Variants in PPP1R36 observed in about 807,000 individuals in gnomAD.
PPP1R36 encodes protein phosphatase 1 regulatory subunit 36, also known as chromosome 14 open reading frame 50.
Under a neutral mutation model 53.4 loss-of-function variants are expected in PPP1R36, and 47 were observed. That is an observed-to-expected ratio of 0.88 (90% CI 0.70 to 1.12). PPP1R36 has a LOEUF of 1.12. Among genes scored for constraint, PPP1R36 ranks in the 50% most tolerant of loss-of-function variants. PPP1R36 has a pLI of 0.00. For missense variants in PPP1R36, 456 were observed against 513.9 expected (o/e 0.89, Z 1.09); for synonymous variants, 153 against 170.5 (o/e 0.90, Z 0.80).
chr14:64,570,221 T>C (rs943715822), intron 7 of PPP1R36, among the ~76,000 whole-genome samples: 7 of 152,096 alleles, frequency 4.6e-5, no homozygotes, highest in African/African-American at 1.7e-4. Context: ...CGGTGGCTCA[T>C]GCCTGTAATC....
chr14:64,587,381 T>G lies in PPP1R36; in HGVS notation c.890+9T>G. On this transcript the variant is annotated intron_variant, in intron 10 of 11. Coordinates refer to ENST00000298705, the MANE Select transcript of PPP1R36 (RefSeq NM_172365.3). Reference sequence around the variant, plus strand: ...ACTTTTGTTCAGTTCAGGTATGACCTTTTGACTTTCCTATGCTCAGGGGTA... The same window carrying G: ...ACTTTTGTTCAGTTCAGGTATGACCGTTTGACTTTCCTATGCTCAGGGGTA... 1.9e-6 allele frequency: 3 copies of G among 1,559,906 alleles called. 1 individual carries two copies. In the Middle Eastern group the frequency reaches 5.1e-4, roughly 265 times the overall value.
In PPP1R36 at chr14:64,574,552, T is replaced by G. The variant is rs763048673; in HGVS notation, c.631T>G (p.Leu211Val). The G allele has an allele frequency of 1.9e-5, 30 of 1,613,888 alleles. No homozygotes were observed. Among genetic ancestry groups the G allele is most frequent in the Non-Finnish European group, 2.4e-5 (28 of 1,179,954 alleles). Reference protein sequence around the residue: ...AQKYCILVLGLAVPDKHHMCC... With the variant: ...AQKYCILVLGVAVPDKHHMCC... ...GAAGTACTGTATCCTTGTGCTGGGC[T>G]TGGCCGTGCCGGATAAGCATCACAT... The change falls in exon 8 of 12, where the codon TTG becomes GTG. Residue 211 changes from leucine (L) to valine (V), a missense_variant. Coordinates refer to ENST00000298705, the MANE Select transcript of PPP1R36 (RefSeq NM_172365.3).
chr14:64,565,560 G>T, intron 5 of PPP1R36, 66 bp from the exon 6 acceptor site: 2 of 1,462,866 alleles, frequency 1.4e-6, no homozygotes. Context: ...ATACATAAAC[G>T]TATCTTGTGT....
At chr14:64,569,361 T>A (rs1283550747) in intron 7 of PPP1R36, among the ~76,000 whole-genome samples, 3 of 152,162 alleles carry the variant, frequency 2.0e-5, no homozygotes, top group Non-Finnish European at 2.9e-5. Flanking sequence ...GTTTTCAAAA[T>A]GCAAAACCCT....
At chr14:64,580,214 C>T (rs912612049) in intron 8 of PPP1R36, among the ~76,000 whole-genome samples, 4 of 152,080 alleles carry the variant, frequency 2.6e-5, no homozygotes, top group African/African-American at 9.7e-5. Context: ...GGTGGGAGAA[C>T]TGCTTGAGCC....
Position 64,574,520 on chromosome 14 carries a change from T to G in PPP1R36, c.599T>G (p.Leu200Trp). The G allele has an allele frequency of 6.2e-7, 1 of 1,614,048 alleles. No homozygotes were observed. Among genetic ancestry groups the G allele is most frequent in the Non-Finnish European group, 8.5e-7 (1 of 1,179,930 alleles). Residue 200 changes from leucine to tryptophan, a missense_variant, in exon 8 of 12, where the codon TTG becomes TGG. By Grantham distance (61) the Leu-to-Trp change is moderately conservative (BLOSUM62 -2). Coordinates refer to ENST00000298705, the MANE Select transcript of PPP1R36 (RefSeq NM_172365.3). The part of the protein sequence containing the change: ...LSELEAAQRY[L>W]AQKYCILVLG... Reference sequence around the variant, plus strand: ...GAATTAGAAGCAGCACAGAGGTACTTGGCGCAGAAGTACTGTATCCTTGTG... The same window carrying G: ...GAATTAGAAGCAGCACAGAGGTACTGGGCGCAGAAGTACTGTATCCTTGTG...
intron 7 of PPP1R36, 147 bp from the exon 8 acceptor site, chr14:64,574,308 T>C (rs2080325971): frequency 1.4e-6 from 1 of 721,004 alleles, no homozygotes. Flanking sequence ...TGAGCTGTGA[T>C]CGCACCACTG....
chr14:64,578,630 A>G (rs1172835381), intron 8 of PPP1R36, among the ~76,000 whole-genome samples: 1 of 152,256 alleles, frequency 6.6e-6, no homozygotes, highest in Non-Finnish European at 1.5e-5. Flanking sequence ...TAGGTTGCAG[A>G]GAAAAGGGAA....
intron 3 of PPP1R36, among the ~76,000 whole-genome samples, chr14:64,559,734 A>G (rs1189425485): frequency 2.6e-5 from 4 of 152,218 alleles, no homozygotes; most frequent in Non-Finnish European, 4.4e-5. Flanking sequence ...GATCTTGCAT[A>G]CTGTGGTGAG....
chr14:64,558,737 G>C (rs188758760), intron 3 of PPP1R36, among the ~76,000 whole-genome samples: 1 of 151,864 alleles, frequency 6.6e-6, no homozygotes, highest in African/African-American at 2.4e-5. Context: ...CTGGGTTCAA[G>C]GGGTTCTCTT....
At chr14:64,586,769 A>G (rs2080436723) in intron 8 of PPP1R36, 68 bp from the exon 9 acceptor site, 1 of 1,065,144 alleles carries the variant, frequency 9.4e-7, no homozygotes, top group East Asian at 2.4e-5. Context: ...TTAGAGAAAG[A>G]TAAGGACTAG....
chr14:64,588,382 T>C, intron 11 of PPP1R36, 87 bp downstream of exon 11: 1 of 1,198,990 alleles, frequency 8.3e-7, no homozygotes, highest in Non-Finnish European at 1.2e-6. Flanking sequence ...GCACCATGCC[T>C]CTGCCAGGGA....
At chr14:64,570,752 A>G (rs1057448381) in intron 7 of PPP1R36, among the ~76,000 whole-genome samples, 2 of 152,210 alleles carry the variant, frequency 1.3e-5, no homozygotes, top group East Asian at 1.9e-4. Flanking sequence ...AGGAAAGCCT[A>G]CAGCCGTGAG....
Position 64,580,136 on chromosome 14 carries a change from G to GA in PPP1R36, c.668+5554dup, listed in dbSNP as rs367991259. 5.2e-3 allele frequency among the ~76,000 whole-genome samples: 784 copies of GA among 152,060 alleles called. 4 individuals are homozygous for GA. The highest frequency in any genetic ancestry group is 0.017 in the African/African-American group (720 of 41,500). ...GCAACACAGTGAGAGCCTCTCTCCA[G>GA]AAAAAAATTAAAGAATTAGCTGGGC... On this transcript the variant is annotated intron_variant, in intron 8 of 11. Coordinates refer to ENST00000298705, the MANE Select transcript of PPP1R36 (RefSeq NM_172365.3).
At chr14:64,550,203 C>T (rs368531469) in intron 1 of PPP1R36, 137 bp downstream of exon 1, 64 of 1,420,298 alleles carry the variant, frequency 4.5e-5, no homozygotes, top group Non-Finnish European at 5.7e-5. Flanking sequence ...TTCTCAAAGA[C>T]ACCTGGCCAT....
rs1340772350 is a variant in PPP1R36, at chr14:64,588,185, C to CA, written c.973dup (p.Arg325LysfsTer9). The CA allele has an allele frequency of 5.0e-6, 8 of 1,614,044 alleles. No individual in the cohort carries two copies. Among genetic ancestry groups the CA allele is most frequent in the Non-Finnish European group, 6.8e-6 (8 of 1,179,928 alleles). On this transcript the variant is annotated frameshift_variant, in exon 11 of 12. Coordinates refer to ENST00000298705, the MANE Select transcript of PPP1R36 (RefSeq NM_172365.3). LOFTEE classifies it high-confidence loss of function. The stretch of plus-strand genomic sequence containing the variant: ...TCATGTCTACTCTGCTGCCATCTCT[C>CA]AGAGAAAAAGCTCAAAACGTCTTTG...
In PPP1R36 at chr14:64,565,462, A is replaced by G; in HGVS notation, c.367+8A>G. 1 of 1,597,866 alleles carries G rather than the reference A, an allele frequency of 6.3e-7. No homozygotes were observed. The highest frequency in any genetic ancestry group is 1.1e-5 in the South Asian group (1 of 90,564). On this transcript the variant is annotated splice_region_variant and intron_variant, in intron 5 of 11. Transcript: ENST00000298705. ...CACTGGATGATGTTAAATGTGAGTA[A>G]CTGTTTCTTTATGCATACATAAACA...
At chr14:64,580,848 G>A (rs1266825130) in intron 8 of PPP1R36, among the ~76,000 whole-genome samples, 1 of 152,152 alleles carries the variant, frequency 6.6e-6, no homozygotes, top group Non-Finnish European at 1.5e-5. Flanking sequence ...ACTTCTTTCC[G>A]ATTTCAGTAA....
Position 64,588,270 on chromosome 14 carries a change from A to T in PPP1R36, c.1057A>T (p.Thr353Ser), listed in dbSNP as rs760102305. 6.2e-7 allele frequency: 1 copy of T among 1,611,662 alleles called. No individual in the cohort carries two copies. Among genetic ancestry groups the T allele is most frequent in the Admixed American group, 1.7e-5 (1 of 59,876 alleles). ...FPAEMQKHVG[T>S]LDSVPMPVVG... Reference sequence around the variant, plus strand: ...AGCCGAGATGCAAAAGCATGTGGGAACTCTGGACTCTGTGCCCATGCCGGT... The same window carrying T: ...AGCCGAGATGCAAAAGCATGTGGGATCTCTGGACTCTGTGCCCATGCCGGT... Residue 353 changes from threonine (T) to serine (S), a missense_variant, in exon 11 of 12, where the codon ACT becomes TCT. Physicochemically the swap from Thr to Ser is moderately conservative, Grantham distance 58. Transcript: ENST00000298705.
Sources: gnomAD v4.1 joint callset for allele counts (sites outside exome capture counted in the v4.1 genomes callset) on GRCh38, gnomAD v4.1.1 for gene constraint, MANE v1.5 for transcripts, NCBI Gene and HGNC (gene_info 2026-07-23, HGNC 2026-07-21) for gene names.